Variants in KCNH5 observed in about 807,000 individuals in gnomAD.
The protein encoded by KCNH5 is voltage-gated delayed rectifier potassium channel KCNH5.
A neutral mutation model predicts 96.1 loss-of-function variants in KCNH5; 46 were observed. That is an observed-to-expected ratio of 0.48 (90% CI 0.38 to 0.61). KCNH5 has a LOEUF of 0.61. KCNH5 is among the 20% of genes least tolerant of loss of function. KCNH5 has a pLI of 0.00. For missense variants in KCNH5, 907 were observed against 1,225.8 expected, an observed-to-expected ratio of 0.74 and a Z score of 3.88; for synonymous variants, 439 against 449.8, an observed-to-expected ratio of 0.98 and a Z score of 0.30.
chr14:62,824,517 TAA>T (rs1887179869), intron 8 of KCNH5, among the ~76,000 whole-genome samples: 1 of 152,100 alleles, frequency 6.6e-6, no homozygotes, highest in African/African-American at 2.4e-5. Context: ...ACTTTAGCAA[TAA>T]AAGTTTTATA....
rs2139558068 is a variant in KCNH5, at chr14:62,971,888, A to G, written c.942+8984T>C. Among the ~76,000 whole-genome samples, 4 of 152,316 alleles carry G rather than the reference A, an allele frequency of 2.6e-5. No homozygotes were observed. In the South Asian group the frequency reaches 8.3e-4, roughly 32 times the overall value. The stretch of plus-strand genomic sequence containing the variant: ...TGAATCATATAAAATAAAAAATGCA[A>G]AACTATAAAACTTATGGAAGACAAC... On this transcript the variant is annotated intron_variant, in intron 6 of 10. Coordinates refer to ENST00000322893, the MANE Select transcript of KCNH5 (RefSeq NM_139318.5).
At chr14:62,953,751 C>T (rs1890049857) in intron 6 of KCNH5, among the ~76,000 whole-genome samples, 2 of 152,054 alleles carry the variant, frequency 1.3e-5, no homozygotes, top group East Asian at 3.9e-4. Context: ...TCTTCCATTC[C>T]CATAGACATG....
rs528945025 is a variant in KCNH5 at position 62,824,582 on chromosome 14, A to G, written c.1570-22001T>C. 9.9e-5 allele frequency among the ~76,000 whole-genome samples: 15 copies of G among 152,228 alleles called. No homozygotes were observed. In the South Asian group the frequency reaches 1.2e-3, roughly 13 times the overall value. On this transcript the variant is annotated intron_variant, in intron 8 of 10. Coordinates refer to ENST00000322893, the MANE Select transcript of KCNH5 (RefSeq NM_139318.5). ...AACATGCTTAATTTAAAAGTCCACA[A>G]TTGTGAAGATTTATTTTTTATGATT...
At chr14:62,877,744 G>A (rs1461749902) in intron 7 of KCNH5, among the ~76,000 whole-genome samples, 1 of 151,836 alleles carries the variant, frequency 6.6e-6, no homozygotes, top group Non-Finnish European at 1.5e-5. Flanking sequence ...TACACTGTTG[G>A]TGGGACTGTA....
intron 7 of KCNH5, among the ~76,000 whole-genome samples, chr14:62,879,218 T>C (rs1888444080): frequency 6.6e-6 from 1 of 152,146 alleles, no homozygotes; most frequent in Non-Finnish European, 1.5e-5. Context: ...ATAGAATATG[T>C]TGGAGAGAAT....
intron 1 of KCNH5, among the ~76,000 whole-genome samples, chr14:63,028,769 CTT>C (rs956649758): frequency 3.3e-5 from 5 of 152,092 alleles, no homozygotes; most frequent in African/African-American, 1.2e-4. Context: ...GTAATTAAGA[CTT>C]TGCTTTTCTC....
chr14:62,862,748 A>G (rs1452487231), intron 7 of KCNH5, among the ~76,000 whole-genome samples: 3 of 152,194 alleles, frequency 2.0e-5, no homozygotes, highest in Non-Finnish European at 4.4e-5. Context: ...AGCGAAGTCT[A>G]GTTATTCTTG....
intron 5 of KCNH5, among the ~76,000 whole-genome samples, chr14:62,984,926 A>C (rs191620779): frequency 6.6e-6 from 1 of 152,136 alleles, no homozygotes; most frequent in Non-Finnish European, 1.5e-5. Context: ...GCCCCCTTTC[A>C]CTTGTTGTCG....
intron 4 of KCNH5, among the ~76,000 whole-genome samples, chr14:62,992,099 G>A (rs1890820520): frequency 6.6e-6 from 1 of 151,860 alleles, no homozygotes; most frequent in Admixed American, 6.6e-5. Context: ...CTGTGTCTGG[G>A]TTGGTTCACT....
chr14:62,943,589 T>C (rs923795859), intron 7 of KCNH5, among the ~76,000 whole-genome samples: 1 of 152,124 alleles, frequency 6.6e-6, no homozygotes, highest in African/African-American at 2.4e-5. Context: ...CACACACACA[T>C]ACGTATGTAC....
intron 9 of KCNH5, among the ~76,000 whole-genome samples, chr14:62,787,015 T>C (rs1331060787): frequency 6.6e-6 from 1 of 152,094 alleles, no homozygotes; most frequent in Admixed American, 6.6e-5. Context: ...CTTCCAAGTG[T>C]TCAAGCAAAA....
intron 7 of KCNH5, among the ~76,000 whole-genome samples, chr14:62,891,340 G>A (rs529695252): frequency 6.6e-6 from 1 of 152,258 alleles, no homozygotes; most frequent in South Asian, 2.1e-4. Context: ...TCACTTCTAA[G>A]TAGGAGCTAA....
intron 7 of KCNH5, among the ~76,000 whole-genome samples, chr14:62,882,129 CT>C (rs1373955976): frequency 2.4e-5 from 2 of 83,160 alleles, no homozygotes; most frequent in Non-Finnish European, 4.5e-5. Context: ...AAAAAAAAAG[CT>C]GGGGCATGGT....
chr14:62,786,925 C>T (rs1015068154), intron 9 of KCNH5, among the ~76,000 whole-genome samples: 5 of 152,122 alleles, frequency 3.3e-5, no homozygotes, highest in African/African-American at 1.2e-4. Flanking sequence ...TTCCCCAACT[C>T]CCTCTTCCTC....
At chr14:63,014,130 T>A (rs1269260591) in intron 2 of KCNH5, among the ~76,000 whole-genome samples, 1 of 152,146 alleles carries the variant, frequency 6.6e-6, no homozygotes, top group Non-Finnish European at 1.5e-5. Context: ...AACATGATCA[T>A]TTGAAAACAC....
intron 8 of KCNH5, among the ~76,000 whole-genome samples, chr14:62,824,669 T>C (rs1354052970): frequency 1.3e-5 from 2 of 152,098 alleles, no homozygotes; most frequent in Non-Finnish European, 2.9e-5. Context: ...TTTTATTACT[T>C]GGGTATATTG....
Position 62,847,148 on chromosome 14 carries a change from A to AT in KCNH5, c.1569+2504dup, listed in dbSNP as rs906317546. 1.8e-4 allele frequency among the ~76,000 whole-genome samples: 25 copies of AT among 142,532 alleles called. 1 individual carries two copies. Among genetic ancestry groups the AT allele is most frequent in the Non-Finnish European group, 7.7e-5 (5 of 65,292 alleles). 93.5% of individuals were successfully genotyped at this position (142,532 alleles called of 152,430 possible). A position where few individuals can be genotyped will look rare whatever the true frequency, so the allele number is the denominator to read the frequency against. On this transcript the variant is annotated intron_variant, in intron 8 of 10. Coordinates refer to ENST00000322893, the MANE Select transcript of KCNH5 (RefSeq NM_139318.5). ...ATTTTAAAATTAAATATTTTTATAT[A>AT]TTTTTTATATATATATATTATATAT...
At chr14:63,003,622 A>ATT (rs1378476183) in intron 3 of KCNH5, among the ~76,000 whole-genome samples, 22 of 111,350 alleles carry the variant, frequency 2.0e-4, no homozygotes, top group African/African-American at 7.7e-4. Flanking sequence ...ATATATATAT[A>ATT]TATTTTTTTT....
chr14:62,821,426 T>C (rs1395488997), intron 8 of KCNH5, among the ~76,000 whole-genome samples: 1 of 152,138 alleles, frequency 6.6e-6, no homozygotes, highest in East Asian at 1.9e-4. Context: ...CATGAGCCCA[T>C]TTTGTAAACA....
Sources: gnomAD v4.1 joint callset for allele counts (sites outside exome capture counted in the v4.1 genomes callset) on GRCh38, gnomAD v4.1.1 for gene constraint, MANE v1.5 for transcripts, NCBI Gene and HGNC (gene_info 2026-07-23, HGNC 2026-07-21) for gene names.